The following URI1 variants were observed in gnomAD, a reference collection of about 807,000 sequenced individuals.
URI1 encodes URI1 prefoldin like chaperone.
URI1 carries 39 observed loss-of-function variants against 60.2 expected under a neutral mutation model. The observed-to-expected ratio is 0.65, with a 90% CI of 0.50 to 0.85. The LOEUF is 0.85. Ranked by LOEUF, URI1 falls within the 40% of genes least tolerant of loss-of-function variation. URI1 has a pLI of 0.00. For missense variants in URI1, 691 were observed against 665.9 expected (o/e 1.04, Z -0.42); for synonymous variants, 251 against 236.8 (o/e 1.06, Z -0.55).
intron 4 of URI1, among the ~76,000 whole-genome samples, chr19:29,996,379 T>C (rs1248777207): frequency 6.6e-6 from 1 of 152,170 alleles, no homozygotes; most frequent in Non-Finnish European, 1.5e-5. Flanking sequence ...CCTTTTTAGA[T>C]TGCTCATTGT....
In URI1 at chr19:30,005,729, A is replaced by G. The variant is rs772835928; in HGVS notation, c.517+21A>G. The stretch of plus-strand genomic sequence containing the variant: ...TAAAGGTAAGCAGTAAGATTGTTTT[A>G]TGTGTAGCTGTTTAGATATTTTGAT... On this transcript the variant is annotated intron_variant, in intron 6 of 10. Coordinates refer to ENST00000392271, the MANE Select transcript of URI1 (RefSeq NM_003796.3). 3.1e-6 allele frequency: 5 copies of G among 1,603,102 alleles called. No individual in the cohort carries two copies. In the East Asian group the frequency reaches 9.0e-5, roughly 29 times the overall value.
At chr19:29,933,940 C>CTTTTT (rs34942474) in intron 1 of URI1, among the ~76,000 whole-genome samples, 1 of 124,708 alleles carries the variant, frequency 8.0e-6, no homozygotes, top group Non-Finnish European at 1.6e-5. Flanking sequence ...CTTTTCTTCC[C>CTTTTT]TTTTTTTTTT....
At chr19:29,993,615 G>A in intron 4 of URI1, among the ~76,000 whole-genome samples, 1 of 152,014 alleles carries the variant, frequency 6.6e-6, no homozygotes, top group African/African-American at 2.4e-5. Context: ...TAAGTGATAG[G>A]AGAAGAAAGA....
At chr19:29,949,997 TGCTTGTATA>T (rs1269683186) in intron 1 of URI1, among the ~76,000 whole-genome samples, 1 of 152,254 alleles carries the variant, frequency 6.6e-6, no homozygotes, top group African/African-American at 2.4e-5. Flanking sequence ...AGAATATGTT[TGCTTGTATA>T]GCCGAAGGCA....
chr19:29,998,386 G>T (rs1366236391), intron 4 of URI1, among the ~76,000 whole-genome samples: 1 of 151,916 alleles, frequency 6.6e-6, no homozygotes, highest in East Asian at 1.9e-4. Context: ...TTTCCTTCTG[G>T]CTGTTCTGTC....
chr19:30,008,913 CTTAGTAT>C, intron 7 of URI1, 85 bp from the exon 8 acceptor site: 1 of 972,324 alleles, frequency 1.0e-6, no homozygotes, highest in Non-Finnish European at 1.5e-6. Flanking sequence ...TATTCAAGAT[CTTAGTAT>C]TTACCCATGG....
chr19:30,015,939 T>A lies in URI1; in HGVS notation c.*870T>A, dbSNP rs2056080412. On this transcript the variant is annotated 3_prime_UTR_variant, in exon 11 of 11. Transcript: ENST00000392271. ...TCATCTTCCCAACATTTTCATTCTT[T>A]AAGGCTACTTTCCTACTAACTGAAA... The A allele has an allele frequency of 5.5e-6, 1 of 182,636 alleles. No individual in the cohort carries two copies. The highest frequency in any genetic ancestry group is 1.1e-5 in the Non-Finnish European group (1 of 89,242). 11.3% of individuals were successfully genotyped at this position (182,636 alleles called of 1,614,324 possible). A position where few individuals can be genotyped will look rare whatever the true frequency, so the allele number is the denominator to read the frequency against.
chr19:29,945,761 C>T (rs930507540), intron 1 of URI1, among the ~76,000 whole-genome samples: 7 of 151,716 alleles, frequency 4.6e-5, no homozygotes, highest in Admixed American at 1.3e-4. Context: ...GTTCCAGTTA[C>T]GTTTATATAA....
chr19:29,940,258 T>TG (rs558840094), upstream of URI1, among the ~76,000 whole-genome samples: 573 of 152,106 alleles, frequency 3.8e-3, 6 homozygotes, highest in African/African-American at 0.013. Context: ...CTAGGTGGTC[T>TG]GGGGGGCTGT....
chr19:29,960,696 A>G (rs943567243), intron 1 of URI1, among the ~76,000 whole-genome samples: 1 of 152,128 alleles, frequency 6.6e-6, no homozygotes, highest in Non-Finnish European at 1.5e-5. Context: ...TGGTTTTAAT[A>G]TTCAGTCTAG....
chr19:29,926,382 T>C (rs2054868634), intron 1 of URI1, among the ~76,000 whole-genome samples: 2 of 151,976 alleles, frequency 1.3e-5, no homozygotes, highest in African/African-American at 4.8e-5. Flanking sequence ...TGGGCTCAAG[T>C]GATCTTCCTG....
At chr19:29,931,285 A>G (rs1363837222) in intron 1 of URI1, among the ~76,000 whole-genome samples, 1 of 152,100 alleles carries the variant, frequency 6.6e-6, no homozygotes, top group East Asian at 1.9e-4. Context: ...AAACAATAGA[A>G]ATTTATATTC....
rs752253522 is a variant in URI1 at position 30,012,567 on chromosome 19, T to G, written c.1425+36T>G. 6 of 1,598,772 alleles carry G rather than the reference T, an allele frequency of 3.8e-6. No homozygotes were observed. The South Asian group carries it at 6.7e-5, about 18-fold the overall frequency. ...GTATCTTTTAATTCTTTATTTCATA[T>G]AGTATCTTTGACCAGTTTTAGCTAT... On this transcript the variant is annotated intron_variant, in intron 10 of 10. Coordinates refer to ENST00000392271, the MANE Select transcript of URI1 (RefSeq NM_003796.3).
intron 1 of URI1, among the ~76,000 whole-genome samples, chr19:29,948,632 C>T (rs945449016): frequency 7.2e-5 from 11 of 152,142 alleles, no homozygotes; most frequent in African/African-American, 2.2e-4. Context: ...GGACACAGCA[C>T]ATGTTTCAGA....
chr19:29,999,925 C>G (rs184390967), intron 4 of URI1, among the ~76,000 whole-genome samples: 1 of 151,378 alleles, frequency 6.6e-6, no homozygotes, highest in East Asian at 1.9e-4. Context: ...TATTTTTACT[C>G]TGCTCTTTTT....
upstream of URI1, among the ~76,000 whole-genome samples, chr19:29,941,627 A>G (rs1568405953): frequency 9.3e-6 from 1 of 107,712 alleles, no homozygotes; most frequent in African/African-American, 3.1e-5. Flanking sequence ...TCTCTTAAAA[A>G]AAAAAAAAAA....
At chr19:29,939,001 G>A (rs529685128), upstream of URI1, among the ~76,000 whole-genome samples, 1 of 138,840 alleles carries the variant, frequency 7.2e-6, no homozygotes, top group South Asian at 2.3e-4. Flanking sequence ...TTTCTGAGAG[G>A]AGTTTCACTC....
intron 4 of URI1, among the ~76,000 whole-genome samples, chr19:30,001,419 G>A (rs937175746): frequency 6.6e-6 from 1 of 151,780 alleles, no homozygotes; most frequent in East Asian, 1.9e-4. Context: ...GGCGTTTCAA[G>A]GTTCAGTATG....
chr19:29,932,646 CT>C, intron 1 of URI1, among the ~76,000 whole-genome samples: 1 of 97,776 alleles, frequency 1.0e-5, no homozygotes, highest in South Asian at 4.4e-4. Flanking sequence ...GTTTTCCCCC[CT>C]TCATTCCTTT....
Sources: gnomAD v4.1 joint callset for allele counts (sites outside exome capture counted in the v4.1 genomes callset) on GRCh38, gnomAD v4.1.1 for gene constraint, MANE v1.5 for transcripts, NCBI Gene and HGNC (gene_info 2026-07-23, HGNC 2026-07-21) for gene names.